PEX14: variants seen among roughly 807,000 people sequenced by gnomAD.
PEX14 encodes peroxisomal biogenesis factor 14.
A neutral mutation model predicts 49.5 loss-of-function variants in PEX14; 15 were observed. The observed-to-expected ratio is 0.30, with a 90% confidence interval of 0.20 to 0.47. PEX14 has a LOEUF of 0.47. Ranked by LOEUF, PEX14 falls within the 20% of genes least tolerant of loss-of-function variation. PEX14 has a pLI of 1.00. For synonymous variants in PEX14, 210 were observed against 212.7 expected, an observed-to-expected ratio of 0.99 and a Z score of 0.11; for missense variants, 398 against 494.8, an observed-to-expected ratio of 0.80 and a Z score of 1.86.
intron 2 of PEX14, among the ~76,000 whole-genome samples, chr1:10,535,657 G>A (rs1638777460): frequency 6.6e-6 from 1 of 152,160 alleles, no homozygotes; most frequent in African/African-American, 2.4e-5. Flanking sequence ...TCAATTATAT[G>A]GTACACAGTA....
chr1:10,590,943 A>G (rs1252684373), intron 3 of PEX14, among the ~76,000 whole-genome samples: 3 of 152,238 alleles, frequency 2.0e-5, no homozygotes, highest in African/African-American at 7.2e-5. Flanking sequence ...AGGAACATTT[A>G]TAGCATTCAG....
chr1:10,488,812 T>C (rs2124387713), intron 1 of PEX14, among the ~76,000 whole-genome samples: 1 of 151,630 alleles, frequency 6.6e-6, no homozygotes, highest in South Asian at 2.1e-4. Flanking sequence ...CTCTATTTTC[T>C]TTTTATACCT....
At chr1:10,537,341 A>AACCCC (rs1553187430) in intron 3 of PEX14, among the ~76,000 whole-genome samples, 7 of 28,448 alleles carry the variant, frequency 2.5e-4, no homozygotes, top group Non-Finnish European at 2.5e-4. Context: ...TTGTGCCAGC[A>AACCCC]CCCCCCCCCC....
chr1:10,496,517 T>C (rs1301627277), intron 2 of PEX14, among the ~76,000 whole-genome samples: 1 of 152,212 alleles, frequency 6.6e-6, no homozygotes, highest in Non-Finnish European at 1.5e-5. Flanking sequence ...GAAGTGCAGA[T>C]TGAACACCAT....
intron 8 of PEX14, among the ~76,000 whole-genome samples, chr1:10,627,679 C>T (rs1641791080): frequency 6.6e-6 from 1 of 152,244 alleles, no homozygotes; most frequent in Admixed American, 6.5e-5. Flanking sequence ...GGTTTGGCTC[C>T]TCCTTCCTGA....
intron 1 of PEX14, among the ~76,000 whole-genome samples, chr1:10,479,838 A>G (rs1641254116): frequency 6.6e-6 from 1 of 152,150 alleles, no homozygotes; most frequent in African/African-American, 2.4e-5. Context: ...GAGCAATAAT[A>G]GTTACCCTTA....
At chr1:10,563,201 C>G (rs189982564) in intron 3 of PEX14, among the ~76,000 whole-genome samples, 73 of 149,436 alleles carry the variant, frequency 4.9e-4, no homozygotes, top group African/African-American at 1.7e-3. Flanking sequence ...CAGGCGTGAG[C>G]CACGGCGCCT....
intron 3 of PEX14, among the ~76,000 whole-genome samples, chr1:10,592,757 C>T (rs1640707012): frequency 6.6e-6 from 1 of 152,216 alleles, no homozygotes; most frequent in Non-Finnish European, 1.5e-5. Flanking sequence ...AACTGCTCAG[C>T]ACTGGACCCC....
intron 3 of PEX14, among the ~76,000 whole-genome samples, chr1:10,578,298 C>T (rs546555095): frequency 4.6e-5 from 7 of 152,164 alleles, no homozygotes; most frequent in Admixed American, 2.0e-4. Context: ...AGAGGCGATT[C>T]GATAAACACC....
At chr1:10,558,501 G>A (rs1178381655) in intron 3 of PEX14, among the ~76,000 whole-genome samples, 2 of 151,916 alleles carry the variant, frequency 1.3e-5, no homozygotes, top group East Asian at 1.9e-4. Flanking sequence ...TTGGGAGGCC[G>A]AGACAGGTAG....
At chr1:10,583,942 T>C (rs1372512478) in intron 3 of PEX14, among the ~76,000 whole-genome samples, 6 of 152,142 alleles carry the variant, frequency 3.9e-5, no homozygotes, top group Non-Finnish European at 8.8e-5. Flanking sequence ...GGAGTAAGGT[T>C]GTGTAGGGCA....
intron 1 of PEX14, among the ~76,000 whole-genome samples, chr1:10,490,275 C>A (rs1405407810): frequency 6.6e-6 from 1 of 152,190 alleles, no homozygotes; most frequent in African/African-American, 2.4e-5. Context: ...GGCTTAGGAC[C>A]TATCTGGAGT....
At chr1:10,560,224 A>T (rs534494556) in intron 3 of PEX14, among the ~76,000 whole-genome samples, 1 of 151,292 alleles carries the variant, frequency 6.6e-6, no homozygotes, top group African/African-American at 2.4e-5. Flanking sequence ...TGCCCAGCTA[A>T]TTTTGTATTT....
intron 4 of PEX14, among the ~76,000 whole-genome samples, chr1:10,608,335 T>G (rs568844358): frequency 2.0e-5 from 3 of 152,300 alleles, no homozygotes; most frequent in East Asian, 1.9e-4. Context: ...TTCAAAAGAT[T>G]ATCTTATCCG....
intron 2 of PEX14, among the ~76,000 whole-genome samples, chr1:10,534,014 C>A (rs536695095): frequency 6.6e-6 from 1 of 152,212 alleles, no homozygotes; most frequent in African/African-American, 2.4e-5. Context: ...TGGTGGGATT[C>A]TGTTTTCTTT....
chr1:10,508,337 G>C (rs1641823753), intron 2 of PEX14, among the ~76,000 whole-genome samples: 2 of 152,088 alleles, frequency 1.3e-5, no homozygotes, highest in African/African-American at 4.8e-5. Flanking sequence ...CTCCCGAGTA[G>C]CTGGGACTAC....
chr1:10,559,548 A>C (rs566955986), intron 3 of PEX14, among the ~76,000 whole-genome samples: 1 of 152,300 alleles, frequency 6.6e-6, no homozygotes, highest in Admixed American at 6.5e-5. Flanking sequence ...CACTGCCTGG[A>C]GAGGATGGTG....
At chr1:10,546,021 G>A (rs1639160787) in intron 3 of PEX14, among the ~76,000 whole-genome samples, 1 of 152,034 alleles carries the variant, frequency 6.6e-6, no homozygotes, top group African/African-American at 2.4e-5. Flanking sequence ...CTGTAGCCTG[G>A]GTGACAGAGC....
chr1:10,543,157 C>T (rs1451068210), intron 3 of PEX14, among the ~76,000 whole-genome samples: 6 of 152,160 alleles, frequency 3.9e-5, no homozygotes, highest in Non-Finnish European at 7.4e-5. Context: ...TGTTTTGAGA[C>T]GGAGTCTCGC....
Sources: allele counts gnomAD v4.1 joint callset (sites outside exome capture counted in the v4.1 genomes callset), GRCh38; gene constraint gnomAD v4.1.1; transcripts MANE v1.5; gene names NCBI Gene and HGNC (gene_info 2026-07-23, HGNC 2026-07-21).